DENND5B: variants seen among roughly 807,000 people sequenced by gnomAD.
DENND5B encodes DENN domain-containing protein 5B.
In DENND5B, 34 loss-of-function variants were observed where a neutral mutation model predicts 140.6. That is an observed-to-expected ratio of 0.24 (90% CI 0.18 to 0.32). The LOEUF (loss-of-function observed/expected upper bound fraction) is 0.32. Among genes scored for constraint, DENND5B ranks in the 10% least tolerant of loss-of-function variants. The probability of loss-of-function intolerance (pLI) is 1.00; values close to 1 mark genes in which losing one functional copy is unlikely to be tolerated. For synonymous variants in DENND5B, 551 were observed against 562.1 expected (o/e 0.98, Z 0.28); for missense variants, 1,142 against 1,560.2 (o/e 0.73, Z 4.52).
At chr12:31,551,539 G>A (rs754659053) in intron 1 of DENND5B, among the ~76,000 whole-genome samples, 28 of 152,212 alleles carry the variant, frequency 1.8e-4, no homozygotes, top group Non-Finnish European at 2.9e-4. Context: ...TTGACTCGGC[G>A]ATGCAGGCTC....
intron 1 of DENND5B, among the ~76,000 whole-genome samples, chr12:31,536,208 T>G (rs142767219): frequency 6.6e-6 from 1 of 152,264 alleles, no homozygotes; most frequent in East Asian, 1.9e-4. Context: ...CCTCTTTTAT[T>G]TATAAATTTC....
At chr12:31,490,603 C>T (rs951068199) in intron 2 of DENND5B, among the ~76,000 whole-genome samples, 1 of 131,284 alleles carries the variant, frequency 7.6e-6, no homozygotes, top group African/African-American at 2.9e-5. Context: ...AGAGTCAGAA[C>T]CTGTCTCAAG....
At chr12:31,437,294 C>A (rs1943819476) in intron 7 of DENND5B, among the ~76,000 whole-genome samples, 1 of 152,120 alleles carries the variant, frequency 6.6e-6, no homozygotes, top group Non-Finnish European at 1.5e-5. Context: ...AGGCACCCGC[C>A]AGGCTAATTT....
chr12:31,395,682 G>C (rs977555869), intron 17 of DENND5B, among the ~76,000 whole-genome samples: 1 of 152,080 alleles, frequency 6.6e-6, no homozygotes, highest in Non-Finnish European at 1.5e-5. Context: ...GAGACTAATA[G>C]AAGAATCTAG....
intron 7 of DENND5B, among the ~76,000 whole-genome samples, chr12:31,433,537 TAAC>T (rs932661628): frequency 6.6e-6 from 1 of 151,304 alleles, no homozygotes; most frequent in Non-Finnish European, 1.5e-5. Context: ...CTTACATACA[TAAC>T]AATAAGTCAA....
At chr12:31,529,529 C>T (rs1201356815) in intron 1 of DENND5B, among the ~76,000 whole-genome samples, 1 of 151,840 alleles carries the variant, frequency 6.6e-6, no homozygotes, top group Non-Finnish European at 1.5e-5. Flanking sequence ...ATTCAACAGC[C>T]ATCACTCAAG....
At chr12:31,399,129 A>C (rs1941648821) in intron 16 of DENND5B, among the ~76,000 whole-genome samples, 1 of 139,392 alleles carries the variant, frequency 7.2e-6, no homozygotes, top group South Asian at 2.3e-4. Context: ...TCTCAGCCCA[A>C]AAAAAAAAAA....
chr12:31,415,311 C>A, intron 12 of DENND5B, 56 bp downstream of exon 12: 4 of 1,396,970 alleles, frequency 2.9e-6, no homozygotes, highest in South Asian at 2.8e-5. Context: ...AGTTAAAAGC[C>A]ACAAAATACT....
At chr12:31,402,746 T>C (rs1729317033) in intron 14 of DENND5B, 103 bp from the exon 15 acceptor site, 8 of 1,365,336 alleles carry the variant, frequency 5.9e-6, no homozygotes, top group Non-Finnish European at 7.9e-6. Context: ...ATAATTTGCT[T>C]TTTATGAGCT....
At chr12:31,582,581 T>C (rs530489884) in intron 1 of DENND5B, among the ~76,000 whole-genome samples, 1 of 152,228 alleles carries the variant, frequency 6.6e-6, no homozygotes, top group Non-Finnish European at 1.5e-5. Flanking sequence ...AAAATATTCA[T>C]TGACAAAAGC....
chr12:31,424,737 A>T, intron 9 of DENND5B, 50 bp from the exon 10 acceptor site: 1 of 1,586,170 alleles, frequency 6.3e-7, no homozygotes, highest in South Asian at 1.1e-5. Flanking sequence ...GAAACCAAAA[A>T]CCAACAAGTC....
At position 31,470,138 on chromosome 12, in the gene DENND5B, T is replaced by C. The variant is rs1485698759; in HGVS notation, c.904+9451A>G. Among the ~76,000 whole-genome samples the C allele has an allele frequency of 2.0e-4, 22 of 112,504 alleles. 1 individual carries two copies. The East Asian group carries it at 5.3e-3, about 27-fold the overall frequency. The allele number at this position is 112,504 out of a possible 152,430, so 73.8% of individuals were successfully genotyped here. ...TTTTTTTTTTTTTTTTCTTTGGAGATGGAGTTTCCCTTGTTACCCAGGCTG... is the reference window on the plus strand; with the variant it reads ...TTTTTTTTTTTTTTTTCTTTGGAGACGGAGTTTCCCTTGTTACCCAGGCTG... On this transcript the variant is annotated intron_variant, in intron 3 of 20. Transcript: ENST00000389082.
At chr12:31,587,798 C>T (rs1229227299) in intron 1 of DENND5B, among the ~76,000 whole-genome samples, 2 of 152,156 alleles carry the variant, frequency 1.3e-5, no homozygotes, top group Admixed American at 6.5e-5. Context: ...CCACCTGCCT[C>T]GGCCTTCCAA....
intron 3 of DENND5B, among the ~76,000 whole-genome samples, chr12:31,475,122 T>C (rs908823030): frequency 3.9e-5 from 6 of 152,118 alleles, no homozygotes; most frequent in Admixed American, 1.3e-4. Flanking sequence ...CAACAAAAAA[T>C]GCACAACAGC....
chr12:31,414,783 G>A (rs372238405), intron 12 of DENND5B, among the ~76,000 whole-genome samples: 29 of 152,068 alleles, frequency 1.9e-4, no homozygotes, highest in African/African-American at 6.3e-4. Flanking sequence ...CAAAAAATTC[G>A]CCAGGAATGG....
chr12:31,533,400 T>G (rs1451972877), intron 1 of DENND5B, among the ~76,000 whole-genome samples: 2 of 152,322 alleles, frequency 1.3e-5, no homozygotes, highest in South Asian at 4.1e-4. Context: ...AACTTATACT[T>G]TATTTTCTTG....
intron 19 of DENND5B, among the ~76,000 whole-genome samples, chr12:31,390,566 G>T (rs1209418554): frequency 6.6e-6 from 1 of 152,102 alleles, no homozygotes; most frequent in African/African-American, 2.4e-5. Flanking sequence ...AACCCAGGAG[G>T]CAGAGGCTGC....
chr12:31,407,282 C>G lies in DENND5B; in HGVS notation c.2803+1981G>C, dbSNP rs555132041. ...AGTAGCTGGGATTACAGGCGCCCAC[C>G]ACCACACCCAGCTAATTTTTGTATT... On this transcript the variant is annotated intron_variant, in intron 14 of 20. Transcript: ENST00000389082. 2.0e-4 allele frequency among the ~76,000 whole-genome samples: 31 copies of G among 152,196 alleles called. 1 individual carries two copies. In the South Asian group the frequency reaches 5.8e-3, roughly 29 times the overall value.
At chr12:31,563,414 A>C (rs1331955766) in intron 1 of DENND5B, among the ~76,000 whole-genome samples, 2 of 152,194 alleles carry the variant, frequency 1.3e-5, no homozygotes, top group African/African-American at 4.8e-5. Flanking sequence ...GGTAAAAACA[A>C]AAACAAAAAC....
Sources: gnomAD v4.1 joint callset for allele counts (sites outside exome capture counted in the v4.1 genomes callset) on GRCh38, gnomAD v4.1.1 for gene constraint, MANE v1.5 for transcripts, NCBI Gene and HGNC (gene_info 2026-07-23, HGNC 2026-07-21) for gene names.